Variants in HSP90AA1 observed in about 807,000 individuals in gnomAD.
The protein encoded by HSP90AA1 is heat shock protein 90 alpha family class A member 1, also known as heat shock protein HSP 90-alpha.
A neutral mutation model predicts 73.3 loss-of-function variants in HSP90AA1; 18 were observed. The ratio of observed to expected loss-of-function variants is 0.25; its 90% CI spans 0.17 to 0.36. HSP90AA1 has a LOEUF of 0.36. Among genes scored for constraint, HSP90AA1 ranks in the 10% least tolerant of loss-of-function variants. The pLI, the probability that HSP90AA1 is intolerant of heterozygous loss-of-function variation, is 1.00. For missense variants in HSP90AA1, 704 were observed against 874.2 expected (o/e 0.81, Z 2.45); for synonymous variants, 477 against 296.9 (o/e 1.61, Z -6.24).
intron 1 of HSP90AA1, among the ~76,000 whole-genome samples, chr14:102,126,830 C>T (rs188817703): frequency 1.3e-5 from 2 of 152,270 alleles, no homozygotes; most frequent in Admixed American, 1.3e-4. Context: ...GCCCGGCCGA[C>T]TAGATTCTTT....
chr14:102,094,440 T>A (rs952824554), intron 2 of HSP90AA1, among the ~76,000 whole-genome samples: 2 of 152,114 alleles, frequency 1.3e-5, no homozygotes, highest in Non-Finnish European at 2.9e-5. Context: ...CACCTAAATA[T>A]GTGGACTTAG....
chr14:102,082,641 G>C (rs993981737), intron 9 of HSP90AA1, 197 bp from the exon 10 acceptor site: 1 of 602,590 alleles, frequency 1.7e-6, no homozygotes, highest in African/African-American at 1.9e-5. Flanking sequence ...TTTTTTTTGA[G>C]ATAGAGTCTC....
chr14:102,139,302 C>G (rs1566745194), exon 1 of HSP90AA1: 3 of 1,613,958 alleles, frequency 1.9e-6, no homozygotes, highest in Non-Finnish European at 1.7e-6. Context: ...GGGCGGGGAT[C>G]CAGACGGTCG....
intron 1 of HSP90AA1, among the ~76,000 whole-genome samples, chr14:102,111,149 C>G (rs527772567): frequency 6.6e-6 from 1 of 152,202 alleles, no homozygotes; most frequent in Non-Finnish European, 1.5e-5. Context: ...GCTTAAGTAA[C>G]GAGGAGCTGA....
exon 2 of HSP90AA1, chr14:102,101,954 G>A (rs1595668846): frequency 6.2e-7 from 1 of 1,614,162 alleles, no homozygotes; most frequent in East Asian, 2.2e-5. Flanking sequence ...GAAGGCCAGT[G>A]ACGCGGTGAC....
Position 102,087,009 on chromosome 14 carries a change from C to A in HSP90AA1, c.-24G>T, listed in dbSNP as rs1472855599. On this transcript the variant is annotated 5_prime_UTR_variant, in exon 1 of 11. Transcript: ENST00000216281. ...ACCTTGGCTAAGTGACCGCACAGGA[C>A]CAACGGCACAGCCACACCGGGACGC... 2 of 985,306 alleles carry A rather than the reference C, an allele frequency of 2.0e-6. No homozygotes were observed. Among genetic ancestry groups the A allele is most frequent in the South Asian group, 4.7e-5 (1 of 21,288 alleles). The allele number at this position is 985,306 out of a possible 1,614,324, so 61.0% of individuals were successfully genotyped here. A position where few individuals can be genotyped will look rare whatever the true frequency, so the allele number is the denominator to read the frequency against.
At chr14:102,122,232 G>T (rs1478958164) in intron 1 of HSP90AA1, among the ~76,000 whole-genome samples, 1 of 151,304 alleles carries the variant, frequency 6.6e-6, no homozygotes, top group African/African-American at 2.4e-5. Context: ...TTTTTATTGG[G>T]GTCTAATTCT....
At chr14:102,108,909 G>T (rs1163074880) in intron 1 of HSP90AA1, among the ~76,000 whole-genome samples, 1 of 152,122 alleles carries the variant, frequency 6.6e-6, no homozygotes, top group Non-Finnish European at 1.5e-5. Context: ...GGAGATAGTG[G>T]TCATTCTCTT....
At chr14:102,102,350 G>A (rs1040486095) in intron 1 of HSP90AA1, among the ~76,000 whole-genome samples, 1 of 152,164 alleles carries the variant, frequency 6.6e-6, no homozygotes, top group Non-Finnish European at 1.5e-5. Flanking sequence ...TGCTTCTCTG[G>A]GTGGCCAGGT....
chr14:102,117,277 C>T (rs2049719404), intron 1 of HSP90AA1, among the ~76,000 whole-genome samples: 1 of 152,240 alleles, frequency 6.6e-6, no homozygotes, highest in South Asian at 2.1e-4. Context: ...GCACCACCTT[C>T]AGGCCAGGGA....
chr14:102,091,906 T>C (rs189664003), upstream of HSP90AA1, among the ~76,000 whole-genome samples: 556 of 151,982 alleles, frequency 3.7e-3, 19 homozygotes, highest in Non-Finnish European at 7.4e-4. Flanking sequence ...GGATTACAGG[T>C]GTGAGCCACC....
intron 10 of HSP90AA1, 112 bp downstream of exon 10, chr14:102,081,999 C>CA (rs1483986225): frequency 2.4e-6 from 2 of 831,556 alleles, no homozygotes; most frequent in South Asian, 1.4e-5. Flanking sequence ...TTAATACCTC[C>CA]AAGCAGCAAG....
intron 2 of HSP90AA1, among the ~76,000 whole-genome samples, chr14:102,093,575 G>A (rs1165805341): frequency 6.6e-6 from 1 of 152,048 alleles, no homozygotes; most frequent in Non-Finnish European, 1.5e-5. Flanking sequence ...GAGCCAGATT[G>A]TGAATTCTGG....
chr14:102,126,586 G>A (rs1444973268), intron 1 of HSP90AA1, among the ~76,000 whole-genome samples: 2 of 151,644 alleles, frequency 1.3e-5, no homozygotes, highest in Non-Finnish European at 2.9e-5. Flanking sequence ...GTGCAGTGGC[G>A]CAACCACGAC....
At position 102,080,966 on chromosome 14, in the gene HSP90AA1, A is replaced by AGC. The variant is rs1261300689; in HGVS notation, c.*744_*745dup. 4.4e-6 allele frequency: 1 copy of AGC among 227,612 alleles called. No homozygotes were observed. Among genetic ancestry groups the AGC allele is most frequent in the Non-Finnish European group, 8.7e-6 (1 of 114,472 alleles). 14.1% of individuals were successfully genotyped at this position (227,612 alleles called of 1,614,324 possible). ...AGCTAGTGTTTAACCATCTCCTGCTAGCGCCTCATGTTTTACATTTTGGCA... is the reference window on the plus strand; with the variant it reads ...AGCTAGTGTTTAACCATCTCCTGCTAGCGCGCCTCATGTTTTACATTTTGGCA... On this transcript the variant is annotated 3_prime_UTR_variant, in exon 11 of 11. Transcript: ENST00000216281.
At chr14:102,135,574 C>T (rs1453687375) in intron 1 of HSP90AA1, among the ~76,000 whole-genome samples, 1 of 152,346 alleles carries the variant, frequency 6.6e-6, no homozygotes, top group Middle Eastern at 3.4e-3. Context: ...TGGTGCTCGT[C>T]GGGGAGGCTC....
chr14:102,102,470 C>A (rs2049506671), intron 1 of HSP90AA1, among the ~76,000 whole-genome samples: 1 of 152,196 alleles, frequency 6.6e-6, no homozygotes, highest in Admixed American at 6.5e-5. Context: ...AGGAGAGCTG[C>A]ACTGAAGGGT....
At chr14:102,083,328 G>A (rs1400798927) in intron 8 of HSP90AA1, 26 bp from the exon 9 acceptor site, 6 of 1,613,094 alleles carry the variant, frequency 3.7e-6, no homozygotes, top group Admixed American at 1.7e-5. Flanking sequence ...GTTACTTTTA[G>A]ACCTTTTAAC....
chr14:102,085,605 G>A (rs561993513), intron 3 of HSP90AA1, 153 bp downstream of exon 3: 16 of 1,291,582 alleles, frequency 1.2e-5, no homozygotes, highest in East Asian at 7.1e-5. Context: ...CGCCCACCAA[G>A]TCATGCCATT....
Sources: allele counts gnomAD v4.1 joint callset (sites outside exome capture counted in the v4.1 genomes callset), GRCh38; gene constraint gnomAD v4.1.1; transcripts MANE v1.5; gene names NCBI Gene and HGNC (gene_info 2026-07-23, HGNC 2026-07-21).